The following CNTN5 variants were observed in gnomAD, a reference collection of about 807,000 sequenced individuals.
The protein encoded by CNTN5 is contactin 5.
In CNTN5, 77 loss-of-function variants were observed where a neutral mutation model predicts 129.1. That is an observed-to-expected ratio of 0.60 (90% CI 0.50 to 0.72). CNTN5 has a LOEUF of 0.72. Among genes scored for constraint, CNTN5 ranks in the 30% least tolerant of loss-of-function variants. The pLI is 0.00. For missense variants in CNTN5, 1,478 were observed against 1,328.8 expected (o/e 1.11, Z -1.75); for synonymous variants, 509 against 465.6 (o/e 1.09, Z -1.20).
At chr11:99,354,963 C>G (rs1037066804) in intron 2 of CNTN5, among the ~76,000 whole-genome samples, 2 of 152,130 alleles carry the variant, frequency 1.3e-5, no homozygotes, top group Non-Finnish European at 2.9e-5. Flanking sequence ...GACAGACAGG[C>G]CCCCTTGCAG....
chr11:100,208,132 G>A (rs560168131), intron 15 of CNTN5, among the ~76,000 whole-genome samples: 2 of 152,202 alleles, frequency 1.3e-5, no homozygotes, highest in South Asian at 2.1e-4. Flanking sequence ...TATAGGAAAG[G>A]AAATAAGAAG....
At chr11:99,367,113 C>A (rs11219637) in intron 2 of CNTN5, among the ~76,000 whole-genome samples, 4,912 of 152,186 alleles carry the variant, frequency 0.032, 264 homozygotes, top group African/African-American at 0.11. Flanking sequence ...TTCTAAAATA[C>A]ATTTTAAGGA....
chr11:99,315,332 A>G (rs1311438524), intron 1 of CNTN5, among the ~76,000 whole-genome samples: 1 of 149,672 alleles, frequency 6.7e-6, no homozygotes, highest in African/African-American at 2.4e-5. Flanking sequence ...TAAGTGTGCC[A>G]CTGTAGGCTT....
chr11:99,185,769 A>C (rs1396548171), intron 1 of CNTN5, among the ~76,000 whole-genome samples: 1 of 151,724 alleles, frequency 6.6e-6, no homozygotes, highest in Non-Finnish European at 1.5e-5. Context: ...GAAATAAAAT[A>C]AAGAGAAATG....
intron 9 of CNTN5, among the ~76,000 whole-genome samples, chr11:100,053,316 G>C (rs148465352): frequency 2.7e-3 from 415 of 151,710 alleles, no homozygotes; most frequent in Non-Finnish European, 5.2e-3. Flanking sequence ...GGCAAGCTCA[G>C]ATTGGAAGAA....
At chr11:100,246,434 C>A (rs1389117686) in intron 16 of CNTN5, among the ~76,000 whole-genome samples, 1 of 152,042 alleles carries the variant, frequency 6.6e-6, no homozygotes, top group Non-Finnish European at 1.5e-5. Flanking sequence ...ATATAGAGTA[C>A]ATAAACATTT....
rs1491065020 is a variant in CNTN5, at chr11:99,047,395, AAC to A, written c.-210+26126_-210+26127del. 4.3e-3 allele frequency among the ~76,000 whole-genome samples: 658 copies of A among 151,598 alleles called. 6 individuals are homozygous for A. Among genetic ancestry groups the A allele is most frequent in the African/African-American group, 0.015 (636 of 41,416 alleles). ...TTGAATTTTGGCAAAAAAAAAAAAA[AAC>A]CAAAAAAGTGTATGTGTATGGCGTG... On this transcript the variant is annotated intron_variant, in intron 1 of 24. Transcript: ENST00000524871.
intron 3 of CNTN5, among the ~76,000 whole-genome samples, chr11:99,618,941 C>T (rs956516869): frequency 1.3e-5 from 2 of 152,148 alleles, no homozygotes; most frequent in African/African-American, 4.8e-5. Context: ...CCATAATGCA[C>T]AACTTTGTCA....
chr11:100,112,548 A>T (rs1170742653), intron 13 of CNTN5, among the ~76,000 whole-genome samples: 3 of 152,204 alleles, frequency 2.0e-5, no homozygotes, highest in African/African-American at 7.2e-5. Context: ...TAATTTTCTG[A>T]CACCTACTTA....
rs1023909268 is a variant in CNTN5 at position 99,675,357 on chromosome 11, C to G, written c.55+119088C>G. Reference sequence around the variant, plus strand: ...ATCTGTGGGAGGGGCCCAGTGTTATCCTAAGGTTATAGATAGATTTTGGTA... The same window carrying G: ...ATCTGTGGGAGGGGCCCAGTGTTATGCTAAGGTTATAGATAGATTTTGGTA... On this transcript the variant is annotated intron_variant, in intron 3 of 24. Coordinates refer to ENST00000524871, the MANE Select transcript of CNTN5 (RefSeq NM_014361.4). Among the ~76,000 whole-genome samples, 7 of 152,042 alleles carry G rather than the reference C, an allele frequency of 4.6e-5. No individual in the cohort carries two copies. In the South Asian group the frequency reaches 1.0e-3, roughly 23 times the overall value.
At position 99,313,972 on chromosome 11, in the gene CNTN5, G is replaced by A. The variant is rs989880909; in HGVS notation, c.-209-11374G>A. 2.0e-5 allele frequency among the ~76,000 whole-genome samples: 3 copies of A among 152,104 alleles called. No individual in the cohort carries two copies. In the South Asian group the frequency reaches 6.2e-4, roughly 32 times the overall value. On this transcript the variant is annotated intron_variant, in intron 1 of 24. Transcript: ENST00000524871. ...AAATGAAGGAGAATGGTGAAGACTA[G>A]CTGCCTCTAAGGTATCTGGGACATA... is the stretch of plus-strand genomic sequence containing the variant.
chr11:99,747,364 C>G (rs753854652), intron 3 of CNTN5, among the ~76,000 whole-genome samples: 1 of 149,860 alleles, frequency 6.7e-6, no homozygotes, highest in Non-Finnish European at 1.5e-5. Flanking sequence ...TAAACAGATA[C>G]AATTTTACTT....
chr11:99,867,615 C>A (rs1452365355), intron 6 of CNTN5, among the ~76,000 whole-genome samples: 1 of 152,162 alleles, frequency 6.6e-6, no homozygotes, highest in African/African-American at 2.4e-5. Context: ...ATCTCTCTGA[C>A]TTTGCTCCCA....
At position 99,076,333 on chromosome 11, in the gene CNTN5, C is replaced by T. The variant is rs1301213040; in HGVS notation, c.-210+55063C>T. On this transcript the variant is annotated intron_variant, in intron 1 of 24. Coordinates refer to ENST00000524871, the MANE Select transcript of CNTN5 (RefSeq NM_014361.4). ...GACAGAGGGAGGCCCTTCTCAAAAA[C>T]AAAACAAAACAAAAACAAACCAAAA... Among the ~76,000 whole-genome samples the T allele has an allele frequency of 2.0e-5, 3 of 150,992 alleles. No individual in the cohort carries two copies. The South Asian group carries it at 6.3e-4, about 32-fold the overall frequency.
At chr11:99,579,403 G>A (rs867759941) in intron 3 of CNTN5, among the ~76,000 whole-genome samples, 37 of 151,976 alleles carry the variant, frequency 2.4e-4, no homozygotes, top group African/African-American at 8.2e-4. Flanking sequence ...GGCATTGAAT[G>A]TATAAATTAC....
chr11:99,889,323 TGTGTGTGTGTGTGTGTGTGTG>T (rs1948990392), intron 6 of CNTN5, among the ~76,000 whole-genome samples: 2 of 144,424 alleles, frequency 1.4e-5, no homozygotes, highest in Admixed American at 7.0e-5. Context: ...TGTGTGTGTG[TGTGTGTGTGTGTGTGTGTGTG>T]TGTGTGTGTG....
At chr11:100,132,494 G>A (rs1039783104) in intron 13 of CNTN5, among the ~76,000 whole-genome samples, 2 of 152,056 alleles carry the variant, frequency 1.3e-5, no homozygotes, top group African/African-American at 4.8e-5. Flanking sequence ...TTTAAATAAT[G>A]TCTTCTCAAA....
At chr11:100,307,713 C>A (rs1773090469) in intron 20 of CNTN5, among the ~76,000 whole-genome samples, 1 of 151,306 alleles carries the variant, frequency 6.6e-6, no homozygotes, top group African/African-American at 2.4e-5. Context: ...GTGGTTGGAA[C>A]AACAAAAAGT....
In CNTN5 at chr11:99,631,201, A is replaced by T; in HGVS notation, c.55+74932A>T. Reference sequence around the variant, plus strand: ...GGAGTATAAGATTTTGAGATTTAATACTGTACTAAATTTCTAGAAACATAG... The same window carrying T: ...GGAGTATAAGATTTTGAGATTTAATTCTGTACTAAATTTCTAGAAACATAG... On this transcript the variant is annotated intron_variant, in intron 3 of 24. Transcript: ENST00000524871. 1.3e-5 allele frequency among the ~76,000 whole-genome samples: 2 copies of T among 152,250 alleles called. 1 individual carries two copies. The highest frequency in any genetic ancestry group is 4.8e-5 in the African/African-American group (2 of 41,562).
Sources: gnomAD v4.1 joint callset for allele counts (sites outside exome capture counted in the v4.1 genomes callset) on GRCh38, gnomAD v4.1.1 for gene constraint, MANE v1.5 for transcripts, NCBI Gene and HGNC (gene_info 2026-07-23, HGNC 2026-07-21) for gene names.